SV2C: variants seen among roughly 807,000 people sequenced by gnomAD.
SV2C encodes the protein solute carrier family 22 member B3.
In SV2C, 49 loss-of-function variants were observed where a neutral mutation model predicts 79.7. The observed-to-expected ratio is 0.61, with a 90% CI of 0.49 to 0.78. The LOEUF is 0.78. Among genes scored for constraint, SV2C ranks in the 30% least tolerant of loss-of-function variants. The pLI is 0.00. For missense variants in SV2C, 833 were observed against 912.9 expected, an observed-to-expected ratio of 0.91 and a Z score of 1.13; for synonymous variants, 334 against 333.2, an observed-to-expected ratio of 1.00 and a Z score of -0.03.
chr5:75,865,085 A>G, the SV2C span, among the ~76,000 whole-genome samples: 1 of 152,178 alleles, frequency 6.6e-6, no homozygotes, highest in Non-Finnish European at 1.5e-5. Context: ...GACTTAACAC[A>G]CTTTCTGGGA....
intron 9 of SV2C, among the ~76,000 whole-genome samples, chr5:76,297,772 G>C (rs1051393987): frequency 2.0e-5 from 3 of 152,150 alleles, no homozygotes; most frequent in African/African-American, 7.2e-5. Flanking sequence ...GAATAAATTT[G>C]AAAGTACTCA....
intron 2 of SV2C, among the ~76,000 whole-genome samples, chr5:76,146,683 T>C (rs935038744): frequency 2.6e-4 from 40 of 151,522 alleles, no homozygotes; most frequent in Admixed American, 5.9e-4. Context: ...GGTCTCAGCC[T>C]CATTTTACCC....
chr5:75,988,775 T>A, the SV2C span, among the ~76,000 whole-genome samples: 60,838 of 151,724 alleles, frequency 0.4, 12,932 homozygotes, highest in East Asian at 0.67. Context: ...CTGAAGGCAA[T>A]TAAGAAGCAG....
At chr5:76,175,831 G>A (rs1561250345) in intron 2 of SV2C, among the ~76,000 whole-genome samples, 1 of 152,110 alleles carries the variant, frequency 6.6e-6, no homozygotes, top group Non-Finnish European at 1.5e-5. Flanking sequence ...TCCCCGAGAG[G>A]TGGATTGCAA....
rs999086894 is a variant in SV2C at position 76,332,053 on chromosome 5, G to A, written c.*6506G>A. ...GATTCATTGGCTAGTGGAGGTAGAT[G>A]GTACTCTCCATGTCTGCAGAAGATT... On this transcript the variant is annotated 3_prime_UTR_variant, in exon 13 of 13. Coordinates refer to ENST00000502798, the MANE Select transcript of SV2C (RefSeq NM_014979.4). 2 of 152,178 alleles carry A rather than the reference G, an allele frequency of 1.3e-5. No individual in the cohort carries two copies. Among genetic ancestry groups the A allele is most frequent in the African/African-American group, 4.8e-5 (2 of 41,404 alleles). The allele number at this position is 152,178 out of a possible 1,614,324, so 9.4% of individuals were successfully genotyped here. A position where few individuals can be genotyped will look rare whatever the true frequency, so the allele number is the denominator to read the frequency against.
At chr5:76,141,472 G>C (rs1749247717) in intron 2 of SV2C, among the ~76,000 whole-genome samples, 1 of 152,070 alleles carries the variant, frequency 6.6e-6, no homozygotes, top group Non-Finnish European at 1.5e-5. Flanking sequence ...AAAGTCACTG[G>C]AGAACTTGCC....
chr5:76,207,452 C>T (rs1561264385), intron 3 of SV2C, among the ~76,000 whole-genome samples: 1 of 152,200 alleles, frequency 6.6e-6, no homozygotes, highest in African/African-American at 2.4e-5. Flanking sequence ...ATTTGTGACA[C>T]AGATATTTTA....
At chr5:75,922,722 C>G in the SV2C span, among the ~76,000 whole-genome samples, 1 of 152,182 alleles carries the variant, frequency 6.6e-6, no homozygotes, top group African/African-American at 2.4e-5. Flanking sequence ...GTCCAAAGAT[C>G]ACTCAGAGTG....
the SV2C span, among the ~76,000 whole-genome samples, chr5:75,919,501 C>T: frequency 6.6e-6 from 1 of 152,136 alleles, no homozygotes; most frequent in Non-Finnish European, 1.5e-5. Flanking sequence ...TGCTGGTTCC[C>T]GTAACTTCCC....
chr5:76,285,160 A>G lies in SV2C; in HGVS notation c.914-2A>G, dbSNP rs1747309392. 7.4e-6 allele frequency: 12 copies of G among 1,613,928 alleles called. No homozygotes were observed. The highest frequency in any genetic ancestry group is 1.0e-5 in the Non-Finnish European group (12 of 1,179,910). On this transcript the variant is annotated splice_acceptor_variant, in intron 4 of 12. Coordinates refer to ENST00000502798, the MANE Select transcript of SV2C (RefSeq NM_014979.4). LOFTEE classifies it high-confidence loss of function. ...CTCACTCTCCGTGTCCTCCTTTTCCAGGGTGGAGCTTCAGCATGGGATCGG... is the reference window on the plus strand; with the variant it reads ...CTCACTCTCCGTGTCCTCCTTTTCCGGGGTGGAGCTTCAGCATGGGATCGG...
chr5:76,308,877 TCAA>T (rs1475915005), intron 12 of SV2C, among the ~76,000 whole-genome samples: 5 of 152,354 alleles, frequency 3.3e-5, no homozygotes, highest in African/African-American at 1.2e-4. Flanking sequence ...GTTTATTTAC[TCAA>T]CAACTATTTT....
the SV2C span, among the ~76,000 whole-genome samples, chr5:75,852,331 A>G: frequency 6.6e-6 from 1 of 152,164 alleles, no homozygotes; most frequent in African/African-American, 2.4e-5. Flanking sequence ...TAAAAAGTCA[A>G]TTTACCCCAA....
At chr5:76,151,759 T>A (rs1056799019) in intron 2 of SV2C, among the ~76,000 whole-genome samples, 1 of 152,142 alleles carries the variant, frequency 6.6e-6, no homozygotes, top group East Asian at 1.9e-4. Context: ...ACAGCAAGAA[T>A]TGAGTGTGTC....
At chr5:75,998,882 C>G in the SV2C span, among the ~76,000 whole-genome samples, 2 of 152,006 alleles carry the variant, frequency 1.3e-5, no homozygotes, top group Non-Finnish European at 2.9e-5. Context: ...TATAATACAT[C>G]TCTATATTTG....
At chr5:76,190,960 C>T (rs527790637) in intron 2 of SV2C, among the ~76,000 whole-genome samples, 15 of 152,108 alleles carry the variant, frequency 9.9e-5, no homozygotes, top group African/African-American at 3.6e-4. Context: ...TGATTGTCAC[C>T]TCATGGACAT....
the SV2C span, among the ~76,000 whole-genome samples, chr5:75,946,727 G>A: frequency 2.0e-5 from 3 of 152,016 alleles, no homozygotes; most frequent in South Asian, 2.1e-4. Flanking sequence ...AAACAAAACT[G>A]TAAGGACAGA....
intron 3 of SV2C, among the ~76,000 whole-genome samples, chr5:76,199,229 TTTATC>T (rs1298386186): frequency 1.3e-5 from 2 of 152,336 alleles, no homozygotes; most frequent in Non-Finnish European, 2.9e-5. Flanking sequence ...AAGACCATGT[TTTATC>T]TACTTAAACA....
Position 76,168,239 on chromosome 5 carries a change from G to T in SV2C, c.581-26680G>T, listed in dbSNP as rs559255822. On this transcript the variant is annotated intron_variant, in intron 2 of 12. Coordinates refer to ENST00000502798, the MANE Select transcript of SV2C (RefSeq NM_014979.4). ...GGGCTGAACTGTTTTTCACTGGATG[G>T]TTCCTTCTGCCAGTGCAGCCTTCAC... 2.0e-5 allele frequency among the ~76,000 whole-genome samples: 3 copies of T among 152,162 alleles called. No individual in the cohort carries two copies. The South Asian group carries it at 6.2e-4, about 32-fold the overall frequency.
the SV2C span, among the ~76,000 whole-genome samples, chr5:75,963,246 G>A: frequency 6.6e-6 from 1 of 152,066 alleles, no homozygotes; most frequent in East Asian, 1.9e-4. Context: ...TGCTAGGCTA[G>A]CCCCACCATT....
Sources: gnomAD v4.1 joint callset for allele counts (sites outside exome capture counted in the v4.1 genomes callset) on GRCh38, gnomAD v4.1.1 for gene constraint, MANE v1.5 for transcripts, NCBI Gene and HGNC (gene_info 2026-07-23, HGNC 2026-07-21) for gene names.